The following PELI2 variants were observed in gnomAD, a reference collection of about 807,000 sequenced individuals.
The protein encoded by PELI2 is E3 ubiquitin-protein ligase pellino homolog 2.
PELI2 carries 23 observed loss-of-function variants against 42.3 expected under a neutral mutation model. The ratio of observed to expected loss-of-function variants is 0.54; its 90% confidence interval spans 0.39 to 0.77. The LOEUF (loss-of-function observed/expected upper bound fraction) is 0.77, where lower values mean the gene tolerates loss of function less well. Ranked by LOEUF, PELI2 falls within the 30% of genes least tolerant of loss-of-function variation. The pLI is 0.00. For synonymous variants in PELI2, 245 were observed against 212.2 expected (o/e 1.15, Z -1.34); for missense variants, 463 against 553.2 (o/e 0.84, Z 1.64).
At chr14:56,221,197 A>G (rs1337329444) in intron 2 of PELI2, among the ~76,000 whole-genome samples, 2 of 152,192 alleles carry the variant, frequency 1.3e-5, no homozygotes. Context: ...ATTGGGAAGG[A>G]GAGGAAGGGC....
chr14:56,126,984 G>A (rs1883294716), intron 1 of PELI2, among the ~76,000 whole-genome samples: 1 of 152,096 alleles, frequency 6.6e-6, no homozygotes, highest in South Asian at 2.1e-4. Flanking sequence ...TGTCTCCTCG[G>A]GTTGTTGATC....
chr14:56,163,319 T>A (rs1436060486), intron 1 of PELI2, among the ~76,000 whole-genome samples: 3 of 152,196 alleles, frequency 2.0e-5, no homozygotes, highest in African/African-American at 7.2e-5. Context: ...CCCAGCACCA[T>A]TTATTGAAGA....
intron 2 of PELI2, among the ~76,000 whole-genome samples, chr14:56,204,800 C>T (rs1886454057): frequency 6.6e-6 from 1 of 151,838 alleles, no homozygotes; most frequent in African/African-American, 2.4e-5. Context: ...TTTGAGACGC[C>T]AAGGTGGGTG....
intron 1 of PELI2, among the ~76,000 whole-genome samples, chr14:56,163,599 A>C (rs550610026): frequency 2.7e-5 from 4 of 149,880 alleles, no homozygotes; most frequent in African/African-American, 7.4e-5. Context: ...TTTTTTTTCT[A>C]TTTCTGTGGA....
chr14:56,269,085 A>G (rs774682054), intron 2 of PELI2, among the ~76,000 whole-genome samples: 1 of 152,204 alleles, frequency 6.6e-6, no homozygotes, highest in Non-Finnish European at 1.5e-5. Flanking sequence ...CAGCATTCTT[A>G]TGTGGGAAAG....
chr14:56,232,294 G>A (rs1887612155), intron 2 of PELI2, among the ~76,000 whole-genome samples: 2 of 152,154 alleles, frequency 1.3e-5, no homozygotes, highest in East Asian at 3.9e-4. Flanking sequence ...AAGCCAGGCA[G>A]AGACACAACA....
At position 56,300,289 on chromosome 14, in the gene PELI2, C is replaced by T. The variant is rs1216497215; in HGVS notation, c.*3123C>T. 1 of 152,504 alleles carries T rather than the reference C, an allele frequency of 6.6e-6. No homozygotes were observed. The highest frequency in any genetic ancestry group is 1.5e-5 in the Non-Finnish European group (1 of 68,026). The allele number at this position is 152,504 out of a possible 1,614,324, so 9.4% of individuals were successfully genotyped here. ...AAAATGATGGGCTCCATTAAGGAGACTAATGAATCTGGATGCAGAAATATG... is the reference window on the plus strand; with the variant it reads ...AAAATGATGGGCTCCATTAAGGAGATTAATGAATCTGGATGCAGAAATATG... On this transcript the variant is annotated 3_prime_UTR_variant, in exon 6 of 6. Coordinates refer to ENST00000267460, the MANE Select transcript of PELI2 (RefSeq NM_021255.3).
chr14:56,129,282 C>T (rs1459925752), intron 1 of PELI2, among the ~76,000 whole-genome samples: 1 of 152,216 alleles, frequency 6.6e-6, no homozygotes. Context: ...TAATTCATTT[C>T]CCTCCTACCT....
intron 1 of PELI2, among the ~76,000 whole-genome samples, chr14:56,130,717 A>G (rs1162982984): frequency 6.6e-6 from 1 of 151,944 alleles, no homozygotes; most frequent in African/African-American, 2.4e-5. Context: ...TATATTATAT[A>G]TAATTATATA....
At chr14:56,166,300 T>C (rs1326841965) in intron 1 of PELI2, among the ~76,000 whole-genome samples, 1 of 152,208 alleles carries the variant, frequency 6.6e-6, no homozygotes, top group Admixed American at 6.5e-5. Context: ...TTTAACTTTT[T>C]GTTGTTCTGT....
chr14:56,161,834 A>G (rs1396300958), intron 1 of PELI2, among the ~76,000 whole-genome samples: 1 of 152,224 alleles, frequency 6.6e-6, no homozygotes, highest in Non-Finnish European at 1.5e-5. Flanking sequence ...CAGGGAACAT[A>G]TTCTGAATGA....
At chr14:56,203,634 A>G (rs920313482) in intron 2 of PELI2, among the ~76,000 whole-genome samples, 2 of 152,198 alleles carry the variant, frequency 1.3e-5, no homozygotes, top group East Asian at 1.9e-4. Flanking sequence ...GAGGCCATTT[A>G]TTAGCCTGAT....
At chr14:56,220,728 T>C (rs11622543) in intron 2 of PELI2, among the ~76,000 whole-genome samples, 60,780 of 151,956 alleles carry the variant, frequency 0.4, 13,022 homozygotes, top group South Asian at 0.53. Context: ...GGTGTCTGCA[T>C]AACCAATGGT....
intron 1 of PELI2, among the ~76,000 whole-genome samples, chr14:56,130,821 G>C (rs907665649): frequency 2.6e-5 from 4 of 152,132 alleles, no homozygotes; most frequent in African/African-American, 9.7e-5. Flanking sequence ...CATTTCTCTA[G>C]TTTTCAAGAT....
chr14:56,284,145 C>G (rs947808616), intron 3 of PELI2, among the ~76,000 whole-genome samples: 2 of 152,132 alleles, frequency 1.3e-5, no homozygotes, highest in East Asian at 3.8e-4. Context: ...CTGTTGGAGT[C>G]AGTTAGTAGA....
intron 1 of PELI2, among the ~76,000 whole-genome samples, chr14:56,151,615 C>G (rs975203471): frequency 6.6e-6 from 1 of 152,162 alleles, no homozygotes; most frequent in Non-Finnish European, 1.5e-5. Flanking sequence ...ATTACTTAAC[C>G]CGTGCCTGAG....
intron 1 of PELI2, among the ~76,000 whole-genome samples, chr14:56,154,775 A>G (rs1884488280): frequency 6.6e-6 from 1 of 152,188 alleles, no homozygotes; most frequent in African/African-American, 2.4e-5. Flanking sequence ...GACCCTTCAA[A>G]TTAGAATTAT....
intron 1 of PELI2, among the ~76,000 whole-genome samples, chr14:56,122,461 A>G (rs565790920): frequency 6.6e-6 from 1 of 152,240 alleles, no homozygotes; most frequent in South Asian, 2.1e-4. Context: ...CAGTTCCTCA[A>G]AGCATCCTTT....
chr14:56,270,839 G>A (rs1889078871), intron 2 of PELI2, among the ~76,000 whole-genome samples: 2 of 152,132 alleles, frequency 1.3e-5, no homozygotes, highest in African/African-American at 4.8e-5. Flanking sequence ...TTCAAACCTG[G>A]TCCAGTGTGT....
Sources: allele counts gnomAD v4.1 joint callset (sites outside exome capture counted in the v4.1 genomes callset), GRCh38; gene constraint gnomAD v4.1.1; transcripts MANE v1.5; gene names NCBI Gene and HGNC (gene_info 2026-07-23, HGNC 2026-07-21).